The following RB1 variants were observed in gnomAD, a reference collection of about 807,000 sequenced individuals.
The protein encoded by RB1 is RB transcriptional corepressor 1, also known as retinoblastoma-associated protein.
In RB1, 18 loss-of-function variants were observed where a neutral mutation model predicts 135.4. The observed-to-expected ratio is 0.13, with a 90% CI of 0.09 to 0.20. RB1 has a LOEUF of 0.20. RB1 is among the 10% of genes least tolerant of loss of function. The pLI, the probability that RB1 is intolerant of heterozygous loss-of-function variation, is 1.00. For missense variants in RB1, 868 were observed against 1,110.0 expected (o/e 0.78, Z 3.10); for synonymous variants, 365 against 373.2 (o/e 0.98, Z 0.25).
chr13:48,337,471 C>T (rs1171005104), intron 2 of RB1, among the ~76,000 whole-genome samples: 7 of 151,992 alleles, frequency 4.6e-5, no homozygotes, highest in South Asian at 4.1e-4. Context: ...GTTGGTTTAA[C>T]GTCTGTTTTA....
At chr13:48,312,751 AT>A (rs999017513) in intron 2 of RB1, among the ~76,000 whole-genome samples, 5 of 151,678 alleles carry the variant, frequency 3.3e-5, no homozygotes, top group African/African-American at 1.2e-4. Flanking sequence ...TATTTTTTTA[AT>A]TTCAGAAGGT....
chr13:48,373,816 G>T (rs1952790441), intron 12 of RB1, among the ~76,000 whole-genome samples: 1 of 151,926 alleles, frequency 6.6e-6, no homozygotes, highest in African/African-American at 2.4e-5. Flanking sequence ...ATTAATTTGG[G>T]ATGAACTTTT....
intron 17 of RB1, among the ~76,000 whole-genome samples, chr13:48,449,071 A>T (rs1252123958): frequency 1.3e-5 from 2 of 152,184 alleles, no homozygotes; most frequent in Non-Finnish European, 2.9e-5. Flanking sequence ...CTTAGGCATG[A>T]GTAACTTCCT....
chr13:48,330,426 G>C (rs966990467), intron 2 of RB1, among the ~76,000 whole-genome samples: 1 of 151,864 alleles, frequency 6.6e-6, no homozygotes, highest in Non-Finnish European at 1.5e-5. Context: ...CTTTTAGCTA[G>C]AATAAGAAAA....
intron 23 of RB1, among the ~76,000 whole-genome samples, chr13:48,471,608 G>C (rs1949471215): frequency 6.7e-6 from 1 of 148,772 alleles, no homozygotes; most frequent in Non-Finnish European, 1.5e-5. Context: ...TTACTTGGAT[G>C]GGTTTACAGA....
chr13:48,318,939 CGTTCA>C, intron 2 of RB1: 3 of 1,019,522 alleles, frequency 2.9e-6, no homozygotes, highest in Non-Finnish European at 4.6e-6. Context: ...CGGGAAGGCA[CGTTCA>C]GGGAGTAGAA....
At chr13:48,346,073 AATTGTAAT>A (rs1374137210) in intron 4 of RB1, among the ~76,000 whole-genome samples, 1 of 147,454 alleles carries the variant, frequency 6.8e-6, no homozygotes, top group Admixed American at 6.8e-5. Flanking sequence ...CCCTGGTTTT[AATTGTAAT>A]ATGGTAGCAT....
chr13:48,436,612 C>T (rs1008817714), intron 17 of RB1, among the ~76,000 whole-genome samples: 5 of 151,740 alleles, frequency 3.3e-5, no homozygotes, highest in Non-Finnish European at 7.4e-5. Flanking sequence ...CACTGCACTC[C>T]AGCCTGGGTG....
rs757801535 is a variant in RB1, at chr13:48,380,026, T to C, written c.1390-27T>C. 1.1e-5 allele frequency: 14 copies of C among 1,287,636 alleles called. No homozygotes were observed. The South Asian group carries it at 1.5e-4, about 14-fold the overall frequency. 79.8% of individuals were successfully genotyped at this position (1,287,636 alleles called of 1,614,324 possible). On this transcript the variant is annotated intron_variant, in intron 14 of 26. Transcript: ENST00000267163. ...TAAGGTTTCAATTAAACAACTTCTT[T>C]TTTTTTTTTTAAATTATCTGTTTCA...
intron 2 of RB1, among the ~76,000 whole-genome samples, chr13:48,338,892 A>G (rs1018702498): frequency 6.6e-5 from 10 of 151,972 alleles, no homozygotes; most frequent in African/African-American, 2.2e-4. Flanking sequence ...TTTTCCTTCT[A>G]ACAGGACCCT....
At chr13:48,312,959 C>A (rs560193814) in intron 2 of RB1, among the ~76,000 whole-genome samples, 2 of 152,264 alleles carry the variant, frequency 1.3e-5, no homozygotes, top group African/African-American at 4.8e-5. Context: ...GTAACACCCT[C>A]CCATGCTCCC....
intron 23 of RB1, among the ~76,000 whole-genome samples, chr13:48,466,447 A>C (rs2138348350): frequency 7.0e-6 from 1 of 143,126 alleles, no homozygotes; most frequent in East Asian, 2.1e-4. Flanking sequence ...ATAAAACCAC[A>C]AAGATGGGGA....
intron 20 of RB1, among the ~76,000 whole-genome samples, chr13:48,461,967 G>A (rs937719869): frequency 5.3e-5 from 8 of 152,078 alleles, no homozygotes; most frequent in Non-Finnish European, 8.8e-5. Flanking sequence ...TGAGTAGCTG[G>A]GATTACAGGT....
At position 48,334,123 on chromosome 13, in the gene RB1, G is replaced by A. The variant is rs537785700; in HGVS notation, c.265-8476G>A. Among the ~76,000 whole-genome samples the A allele has an allele frequency of 3.5e-4, 54 of 152,272 alleles. 1 individual carries two copies. In the South Asian group the frequency reaches 0.011, roughly 30 times the overall value. On this transcript the variant is annotated intron_variant, in intron 2 of 26. Transcript: ENST00000267163. ...AATTTGCCAGGTACATGTTTTTCTGGAAATAGAATCAACTTTCTTACCCAC... is the reference window on the plus strand; with the variant it reads ...AATTTGCCAGGTACATGTTTTTCTGAAAATAGAATCAACTTTCTTACCCAC...
At chr13:48,331,699 A>G (rs528828573) in intron 2 of RB1, among the ~76,000 whole-genome samples, 1 of 152,358 alleles carries the variant, frequency 6.6e-6, no homozygotes, top group South Asian at 2.1e-4. Flanking sequence ...TCCTCAAAAA[A>G]TTAAAACTAA....
intron 6 of RB1, among the ~76,000 whole-genome samples, chr13:48,359,472 GAATT>G (rs1418237120): frequency 2.0e-5 from 3 of 147,556 alleles, no homozygotes; most frequent in South Asian, 2.1e-4. Flanking sequence ...TAGATAATGA[GAATT>G]AATTGAATCA....
intron 17 of RB1, among the ~76,000 whole-genome samples, chr13:48,394,743 C>T (rs1948634798): frequency 1.3e-5 from 2 of 152,208 alleles, no homozygotes; most frequent in South Asian, 4.1e-4. Context: ...GCAGCAGCCC[C>T]AGTCAGGGGC....
At chr13:48,442,209 T>TC (rs201245685) in intron 17 of RB1, among the ~76,000 whole-genome samples, 2,578 of 152,100 alleles carry the variant, frequency 0.017, 51 homozygotes, top group Admixed American at 0.045. Flanking sequence ...GAATTTTATT[T>TC]TTTTTTTTTG....
intron 6 of RB1, among the ~76,000 whole-genome samples, chr13:48,354,755 A>T (rs1952575938): frequency 6.6e-6 from 1 of 152,148 alleles, no homozygotes; most frequent in African/African-American, 2.4e-5. Flanking sequence ...GAGAGCCCAG[A>T]AACAAATCCA....
Sources: gnomAD v4.1 joint callset for allele counts (sites outside exome capture counted in the v4.1 genomes callset) on GRCh38, gnomAD v4.1.1 for gene constraint, MANE v1.5 for transcripts, NCBI Gene and HGNC (gene_info 2026-07-23, HGNC 2026-07-21) for gene names.